Variants in RALGAPA1 observed in about 807,000 individuals in gnomAD.
RALGAPA1 encodes the protein Ral GTPase activating protein catalytic subunit alpha 1.
RALGAPA1 carries 52 observed loss-of-function variants against 269.6 expected under a neutral mutation model. That is an observed-to-expected ratio of 0.19 (90% confidence interval 0.15 to 0.24). The LOEUF is 0.24. Among genes scored for constraint, RALGAPA1 ranks in the 10% least tolerant of loss-of-function variants. The pLI, the probability that RALGAPA1 is intolerant of heterozygous loss-of-function variation, is 1.00. For missense variants in RALGAPA1, 1,917 were observed against 3,013.9 expected (o/e 0.64, Z 8.52); for synonymous variants, 817 against 1,008.3 (o/e 0.81, Z 3.60).
chr14:35,791,363 G>A (rs771885233), intron 1 of RALGAPA1, among the ~76,000 whole-genome samples: 24 of 152,270 alleles, frequency 1.6e-4, no homozygotes, highest in Non-Finnish European at 2.9e-4. Context: ...CAGCACTTTG[G>A]GAGGCCAAGG....
chr14:35,652,850 C>T (rs1229198620), intron 30 of RALGAPA1, among the ~76,000 whole-genome samples: 1 of 152,008 alleles, frequency 6.6e-6, no homozygotes, highest in Non-Finnish European at 1.5e-5. Context: ...CCCTGGAAAT[C>T]ATTTAGTCTT....
Position 35,638,882 on chromosome 14 carries a change from C to T in RALGAPA1, c.5677-3284G>A, listed in dbSNP as rs185223495. On this transcript the variant is annotated intron_variant, in intron 31 of 41. Coordinates refer to ENST00000680220, the MANE Select transcript of RALGAPA1 (RefSeq NM_001346249.2). ...TAGAGGTTGCAGTGAGCTGAGATTG[C>T]GCCGCTGCACTCCAGCCTGGGTGAC... is the stretch of plus-strand genomic sequence containing the variant. Among the ~76,000 whole-genome samples the T allele has an allele frequency of 1.2e-3, 175 of 151,798 alleles. 3 individuals carry two copies. The East Asian group carries it at 0.03, about 26-fold the overall frequency.
At chr14:35,786,137 A>G (rs1487720947) in intron 1 of RALGAPA1, among the ~76,000 whole-genome samples, 3 of 151,790 alleles carry the variant, frequency 2.0e-5, no homozygotes, top group East Asian at 3.9e-4. Flanking sequence ...AACCTGGGTG[A>G]CAGAGTGAGA....
intron 5 of RALGAPA1, among the ~76,000 whole-genome samples, chr14:35,762,221 G>A (rs1205634328): frequency 6.6e-6 from 1 of 151,770 alleles, no homozygotes; most frequent in Non-Finnish European, 1.5e-5. Flanking sequence ...ACCTAGAATG[G>A]TTTGTCAAAC....
intron 5 of RALGAPA1, 75 bp from the exon 6 acceptor site, chr14:35,761,081 C>G (rs1392662009): frequency 8.9e-7 from 1 of 1,123,086 alleles, no homozygotes; most frequent in Non-Finnish European, 1.2e-6. Flanking sequence ...ACAAAGTTCT[C>G]TAGATGATGA....
chr14:35,612,232 G>A (rs1328168965), intron 35 of RALGAPA1, among the ~76,000 whole-genome samples: 8 of 152,030 alleles, frequency 5.3e-5, no homozygotes, highest in South Asian at 2.1e-4. Flanking sequence ...TTGGCCAGGC[G>A]TGGTGGCATG....
chr14:35,759,058 G>A (rs987111219), intron 6 of RALGAPA1, among the ~76,000 whole-genome samples: 10 of 152,136 alleles, frequency 6.6e-5, no homozygotes, highest in Admixed American at 2.0e-4. Context: ...ATGGGACTGC[G>A]CTACAGCATA....
chr14:35,761,718 C>T (rs2073721178), intron 5 of RALGAPA1, among the ~76,000 whole-genome samples: 1 of 152,144 alleles, frequency 6.6e-6, no homozygotes, highest in Non-Finnish European at 1.5e-5. Context: ...GAGGAAAATT[C>T]AATCTCTGAC....
At chr14:35,650,539 T>A (rs1336832741) in intron 31 of RALGAPA1, among the ~76,000 whole-genome samples, 1 of 151,950 alleles carries the variant, frequency 6.6e-6, no homozygotes, top group Non-Finnish European at 1.5e-5. Flanking sequence ...GAATAAAAAG[T>A]TTTGAGGTAA....
chr14:35,749,422 G>A (rs552197904), intron 9 of RALGAPA1, among the ~76,000 whole-genome samples: 1 of 152,146 alleles, frequency 6.6e-6, no homozygotes, highest in Admixed American at 6.5e-5. Flanking sequence ...AACCAGATAG[G>A]GAAAAATTAA....
At chr14:35,604,905 C>G (rs1258241857) in intron 36 of RALGAPA1, among the ~76,000 whole-genome samples, 1 of 152,102 alleles carries the variant, frequency 6.6e-6, no homozygotes, top group Non-Finnish European at 1.5e-5. Flanking sequence ...CATACTTATA[C>G]AAATCCTTAT....
At chr14:35,554,591 CCGCCT>C (rs2055403211) in intron 39 of RALGAPA1, among the ~76,000 whole-genome samples, 1 of 151,838 alleles carries the variant, frequency 6.6e-6, no homozygotes, top group Admixed American at 6.6e-5. Context: ...CGTGATCCGC[CCGCCT>C]CGGCCTCCCA....
At position 35,552,771 on chromosome 14, in the gene RALGAPA1, A is replaced by C. The variant is rs570430754; in HGVS notation, c.7497-3537T>G. 5.9e-5 allele frequency among the ~76,000 whole-genome samples: 9 copies of C among 152,054 alleles called. No homozygotes were observed. In the South Asian group the frequency reaches 1.9e-3, roughly 31 times the overall value. On this transcript the variant is annotated intron_variant, in intron 39 of 41. Transcript: ENST00000680220. ...GTGCTGCAATCACAGCAATATAATT[A>C]TCCACTAATCCTCCTTCCGCTTTCT... is the stretch of plus-strand genomic sequence containing the variant.
intron 36 of RALGAPA1, among the ~76,000 whole-genome samples, chr14:35,604,272 C>T (rs1427247867): frequency 2.0e-5 from 3 of 151,856 alleles, no homozygotes; most frequent in African/African-American, 7.3e-5. Context: ...TTCAAGGGAA[C>T]AGGGTACCTA....
rs551534491 is a variant in RALGAPA1, at chr14:35,576,598, TA to T, written c.7210-3881del. 7.4e-4 allele frequency among the ~76,000 whole-genome samples: 112 copies of T among 152,264 alleles called. 1 individual carries two copies. In the South Asian group the frequency reaches 0.022, roughly 30 times the overall value. On this transcript the variant is annotated intron_variant, in intron 37 of 41. Transcript: ENST00000680220. ...AGTCATTACAGACTTTCCTCCTGGT[TA>T]AAAAAATCCACAAAACCCTATATTT... is the stretch of plus-strand genomic sequence containing the variant.
chr14:35,723,073 T>C lies in RALGAPA1; in HGVS notation c.2058A>G (p.Pro686=), dbSNP rs1377499456. The C allele has an allele frequency of 3.7e-6, 6 of 1,609,192 alleles. No homozygotes were observed. The highest frequency in any genetic ancestry group is 1.1e-5 in the South Asian group (1 of 90,914). Residue 686 remains proline (P), a synonymous_variant, in exon 15 of 42, where the codon CCA becomes CCG. Transcript: ENST00000680220. The stretch of plus-strand genomic sequence containing the variant: ...GTTTCTGTTCACTCAGCTTATCCAA[T>C]GGTAAATCACTGAGATCCAAACTAT... ...NLYSLDLSDL[P]LDKLSEQKQK...
intron 39 of RALGAPA1, among the ~76,000 whole-genome samples, chr14:35,558,376 A>G (rs982387746): frequency 1.2e-4 from 19 of 152,218 alleles, no homozygotes; most frequent in Non-Finnish European, 2.6e-4. Context: ...ATTAAACCAA[A>G]TTTATAACCT....
chr14:35,761,847 A>G (rs1489172150), intron 5 of RALGAPA1, among the ~76,000 whole-genome samples: 1 of 152,204 alleles, frequency 6.6e-6, no homozygotes, highest in Non-Finnish European at 1.5e-5. Context: ...TTCATGGTTC[A>G]GCCAGATAAC....
chr14:35,588,557 C>T (rs2058450809), intron 37 of RALGAPA1, among the ~76,000 whole-genome samples: 1 of 152,054 alleles, frequency 6.6e-6, no homozygotes, highest in Non-Finnish European at 1.5e-5. Flanking sequence ...ACAAATAAAA[C>T]CATGATGAGA....
Sources: allele counts gnomAD v4.1 joint callset (sites outside exome capture counted in the v4.1 genomes callset), GRCh38; gene constraint gnomAD v4.1.1; transcripts MANE v1.5; gene names NCBI Gene and HGNC (gene_info 2026-07-23, HGNC 2026-07-21).